The following CLSTN2 variants were observed in gnomAD, a reference collection of about 807,000 sequenced individuals.
CLSTN2 encodes the protein calsyntenin-2.
A neutral mutation model predicts 101.2 loss-of-function variants in CLSTN2; 48 were observed. The observed-to-expected ratio is 0.47, with a 90% CI of 0.38 to 0.60. CLSTN2 has a LOEUF of 0.60. Ranked by LOEUF, CLSTN2 falls within the 20% of genes least tolerant of loss-of-function variation. CLSTN2 has a pLI of 0.00. For synonymous variants in CLSTN2, 481 were observed against 463.6 expected (o/e 1.04, Z -0.48); for missense variants, 1,160 against 1,238.2 (o/e 0.94, Z 0.95).
intron 2 of CLSTN2, among the ~76,000 whole-genome samples, chr3:140,270,421 A>G (rs572330284): frequency 4.7e-4 from 71 of 152,292 alleles, no homozygotes; most frequent in Middle Eastern, 3.4e-3. Context: ...CACTTTTGTA[A>G]CAAATGAGAC....
intron 1 of CLSTN2, among the ~76,000 whole-genome samples, chr3:139,979,785 G>T (rs1267805393): frequency 6.6e-6 from 1 of 151,952 alleles, no homozygotes; most frequent in Non-Finnish European, 1.5e-5. Flanking sequence ...CACCATTGGT[G>T]TCATTATCAT....
chr3:140,179,394 G>A lies in CLSTN2; in HGVS notation c.232+3321G>A, dbSNP rs543374279. Among the ~76,000 whole-genome samples, 25 of 149,488 alleles carry A rather than the reference G, an allele frequency of 1.7e-4. 1 individual carries two copies. In the South Asian group the frequency reaches 5.1e-3, roughly 30 times the overall value. On this transcript the variant is annotated intron_variant, in intron 2 of 16. Coordinates refer to ENST00000458420, the MANE Select transcript of CLSTN2 (RefSeq NM_022131.3). The stretch of plus-strand genomic sequence containing the variant: ...CACTTTGGGAGGCTGAGGAGGGGAG[G>A]ATTGCTTGAGCCCAGGAGTTTGATA...
intron 2 of CLSTN2, among the ~76,000 whole-genome samples, chr3:140,376,000 T>A (rs2107960955): frequency 6.6e-6 from 1 of 152,322 alleles, no homozygotes; most frequent in African/African-American, 2.4e-5. Context: ...CAGTTTAGGA[T>A]GTTTAAGCCT....
At chr3:140,293,197 G>A (rs1559830947) in intron 2 of CLSTN2, among the ~76,000 whole-genome samples, 1 of 152,172 alleles carries the variant, frequency 6.6e-6, no homozygotes, top group Admixed American at 6.5e-5. Context: ...GGTATTGAAG[G>A]TGGTTCATTG....
At chr3:140,095,197 G>A (rs1243959405) in intron 1 of CLSTN2, among the ~76,000 whole-genome samples, 1 of 152,190 alleles carries the variant, frequency 6.6e-6, no homozygotes, top group African/African-American at 2.4e-5. Flanking sequence ...ATGTCTGGGG[G>A]CTAGGAGCGT....
chr3:140,486,624 A>G (rs1934246423), intron 8 of CLSTN2, among the ~76,000 whole-genome samples: 1 of 152,232 alleles, frequency 6.6e-6, no homozygotes, highest in Non-Finnish European at 1.5e-5. Flanking sequence ...AAAAACTTCA[A>G]GCTCCAGATG....
At chr3:140,351,657 C>T (rs1049454111) in intron 2 of CLSTN2, among the ~76,000 whole-genome samples, 6 of 152,124 alleles carry the variant, frequency 3.9e-5, no homozygotes, top group Admixed American at 1.3e-4. Flanking sequence ...TTTAAATGAA[C>T]GGGTGTGAAA....
chr3:140,332,318 G>C lies in CLSTN2; in HGVS notation c.233-71311G>C, dbSNP rs569515699. Reference sequence around the variant, plus strand: ...TCTTGCGTTATCAAACTGGAGGCAGGAAAAAAGAGATGAAGCTGGGGGAGG... The same window carrying C: ...TCTTGCGTTATCAAACTGGAGGCAGCAAAAAAGAGATGAAGCTGGGGGAGG... On this transcript the variant is annotated intron_variant, in intron 2 of 16. Coordinates refer to ENST00000458420, the MANE Select transcript of CLSTN2 (RefSeq NM_022131.3). 2.6e-5 allele frequency among the ~76,000 whole-genome samples: 4 copies of C among 152,284 alleles called. No homozygotes were observed. In the South Asian group the frequency reaches 8.3e-4, roughly 32 times the overall value.
intron 1 of CLSTN2, among the ~76,000 whole-genome samples, chr3:140,083,674 G>T (rs556189690): frequency 6.6e-6 from 1 of 152,202 alleles, no homozygotes; most frequent in Non-Finnish European, 1.5e-5. Flanking sequence ...CGTGGCACAT[G>T]ATGAGTTCAA....
At chr3:140,560,730 A>G (rs1935894421) in intron 12 of CLSTN2, among the ~76,000 whole-genome samples, 1 of 152,164 alleles carries the variant, frequency 6.6e-6, no homozygotes, top group African/African-American at 2.4e-5. Context: ...GGCAGCCGTG[A>G]CACACTCCCT....
At chr3:140,346,018 C>G (rs2087543286) in intron 2 of CLSTN2, among the ~76,000 whole-genome samples, 1 of 152,264 alleles carries the variant, frequency 6.6e-6, no homozygotes, top group Admixed American at 6.5e-5. Context: ...GGGTCTCCAT[C>G]CAGAGAAGTG....
intron 2 of CLSTN2, among the ~76,000 whole-genome samples, chr3:140,186,227 G>A (rs2010483578): frequency 6.6e-6 from 1 of 152,088 alleles, no homozygotes; most frequent in African/African-American, 2.4e-5. Context: ...GCCAGTAATT[G>A]GACTGCTTAA....
chr3:140,453,548 A>G (rs66934556), intron 6 of CLSTN2, among the ~76,000 whole-genome samples: 18,991 of 152,254 alleles, frequency 0.12, 1,615 homozygotes, highest in South Asian at 0.27. Context: ...TGTATTACAC[A>G]GTAGGGCAAC....
chr3:140,156,077 A>G (rs569835509), intron 1 of CLSTN2, among the ~76,000 whole-genome samples: 14 of 151,968 alleles, frequency 9.2e-5, no homozygotes, highest in African/African-American at 3.4e-4. Context: ...CGTTCTTTGC[A>G]TTTCTTTCCT....
chr3:140,238,617 C>G (rs892618874), intron 2 of CLSTN2, among the ~76,000 whole-genome samples: 2 of 152,072 alleles, frequency 1.3e-5, no homozygotes, highest in African/African-American at 4.8e-5. Flanking sequence ...AAAAGAAGAA[C>G]ATTTGGCCCA....
At chr3:140,449,265 C>A (rs1372098965) in intron 6 of CLSTN2, among the ~76,000 whole-genome samples, 3 of 152,196 alleles carry the variant, frequency 2.0e-5, no homozygotes, top group Non-Finnish European at 2.9e-5. Flanking sequence ...AAGCCTTGGG[C>A]CCTATATGAC....
chr3:140,020,701 C>A (rs1346281461), intron 1 of CLSTN2, among the ~76,000 whole-genome samples: 2 of 152,202 alleles, frequency 1.3e-5, no homozygotes, highest in East Asian at 3.8e-4. Context: ...GGCTGACCAG[C>A]CTCCAAGGCA....
At position 140,558,858 on chromosome 3, in the gene CLSTN2, G is replaced by T. The variant is rs1399669635; in HGVS notation, c.2041+1G>T. The stretch of plus-strand genomic sequence containing the variant: ...GCCCCCGGGGACGTGAAAACCACAG[G>T]TACAGGTGCATTTGAGTTTGTGGGG... On this transcript the variant is annotated splice_donor_variant, in intron 12 of 16. Coordinates refer to ENST00000458420, the MANE Select transcript of CLSTN2 (RefSeq NM_022131.3). LOFTEE classifies it high-confidence loss of function. 1.2e-6 allele frequency: 2 copies of T among 1,612,784 alleles called. No individual in the cohort carries two copies. The highest frequency in any genetic ancestry group is 2.7e-5 in the African/African-American group (2 of 74,956).
chr3:140,260,383 C>CT (rs1282298897), intron 2 of CLSTN2, among the ~76,000 whole-genome samples: 2 of 151,790 alleles, frequency 1.3e-5, no homozygotes, highest in African/African-American at 4.8e-5. Context: ...GTTGAGGAAT[C>CT]TTTTTTCTAT....
Sources: allele counts gnomAD v4.1 joint callset (sites outside exome capture counted in the v4.1 genomes callset), GRCh38; gene constraint gnomAD v4.1.1; transcripts MANE v1.5; gene names NCBI Gene and HGNC (gene_info 2026-07-23, HGNC 2026-07-21).